Variants in LRRC4C observed in about 807,000 individuals in gnomAD.
The protein encoded by LRRC4C is leucine rich repeat containing 4C.
In LRRC4C, 5 loss-of-function variants were observed where a neutral mutation model predicts 33.6. That is an observed-to-expected ratio of 0.15 (90% confidence interval 0.08 to 0.31). The LOEUF is 0.31. LRRC4C is among the 10% of genes least tolerant of loss of function. The probability of loss-of-function intolerance (pLI) is 1.00; values close to 1 mark genes in which losing one functional copy is unlikely to be tolerated. For synonymous variants in LRRC4C, 329 were observed against 302.0 expected (o/e 1.09, Z -0.93); for missense variants, 560 against 796.7 (o/e 0.70, Z 3.58).
chr11:41,112,308 A>T (rs1941879088), intron 1 of LRRC4C, among the ~76,000 whole-genome samples: 1 of 152,036 alleles, frequency 6.6e-6, no homozygotes, highest in African/African-American at 2.4e-5. Flanking sequence ...TCTCCTGGAG[A>T]GCAGACACTT....
At chr11:40,340,329 T>A (rs975547690) in intron 3 of LRRC4C, among the ~76,000 whole-genome samples, 5 of 152,106 alleles carry the variant, frequency 3.3e-5, no homozygotes, top group Non-Finnish European at 5.9e-5. Context: ...TTAGTATTTT[T>A]TTGCCTCCCA....
chr11:41,024,964 T>C (rs1856241166), intron 1 of LRRC4C, among the ~76,000 whole-genome samples: 1 of 151,610 alleles, frequency 6.6e-6, no homozygotes, highest in African/African-American at 2.4e-5. Context: ...GGACCAATGA[T>C]CTTTGATCTT....
intron 4 of LRRC4C, among the ~76,000 whole-genome samples, chr11:40,298,598 G>A (rs972191367): frequency 3.9e-5 from 6 of 151,922 alleles, no homozygotes; most frequent in African/African-American, 1.5e-4. Context: ...TCACTTAGTT[G>A]AGCCCATTGT....
At chr11:40,675,476 C>T (rs1444879193) in intron 2 of LRRC4C, among the ~76,000 whole-genome samples, 3 of 152,138 alleles carry the variant, frequency 2.0e-5, no homozygotes, top group Admixed American at 1.3e-4. Context: ...ACTTTTCTTA[C>T]ACTTGGGCCT....
intron 1 of LRRC4C, among the ~76,000 whole-genome samples, chr11:41,039,428 T>C (rs1477343359): frequency 5.3e-5 from 8 of 152,200 alleles, no homozygotes; most frequent in African/African-American, 7.2e-5. Flanking sequence ...GAGCGAGGCC[T>C]AAGATTTTGA....
intron 1 of LRRC4C, among the ~76,000 whole-genome samples, chr11:41,182,799 T>C (rs1945509939): frequency 1.3e-5 from 2 of 151,728 alleles, no homozygotes; most frequent in Admixed American, 6.6e-5. Flanking sequence ...ATTACTATAT[T>C]AGTCTGTTTT....
At chr11:41,312,990 C>T (rs1254661161) in intron 1 of LRRC4C, among the ~76,000 whole-genome samples, 3 of 152,192 alleles carry the variant, frequency 2.0e-5, no homozygotes, top group Non-Finnish European at 2.9e-5. Context: ...TGGACTAATA[C>T]ATGGTAATAA....
At chr11:40,794,238 GC>G (rs1377267927) in intron 2 of LRRC4C, among the ~76,000 whole-genome samples, 2 of 152,010 alleles carry the variant, frequency 1.3e-5, no homozygotes, top group Admixed American at 1.3e-4. Flanking sequence ...AAAAGGACAA[GC>G]AATACATTCT....
At chr11:40,285,310 A>G (rs1943760149) in intron 4 of LRRC4C, among the ~76,000 whole-genome samples, 1 of 152,152 alleles carries the variant, frequency 6.6e-6, no homozygotes, top group Admixed American at 6.5e-5. Context: ...AGTGATATCA[A>G]TAAAGTGATC....
intron 3 of LRRC4C, among the ~76,000 whole-genome samples, chr11:40,464,310 C>T (rs771014676): frequency 6.6e-6 from 1 of 151,790 alleles, no homozygotes; most frequent in Non-Finnish European, 1.5e-5. Flanking sequence ...ATAAACTAGG[C>T]ATCAAAGGAA....
chr11:41,143,187 G>C (rs1166970814), intron 1 of LRRC4C, among the ~76,000 whole-genome samples: 2 of 150,288 alleles, frequency 1.3e-5, no homozygotes, highest in Non-Finnish European at 2.9e-5. Flanking sequence ...AGTGACTCCA[G>C]TACTGAAATT....
chr11:40,604,491 T>C (rs1218760843), intron 3 of LRRC4C, among the ~76,000 whole-genome samples: 1 of 152,126 alleles, frequency 6.6e-6, no homozygotes, highest in Non-Finnish European at 1.5e-5. Flanking sequence ...CTTCATGTCT[T>C]TACTGAGAGC....
intron 1 of LRRC4C, among the ~76,000 whole-genome samples, chr11:41,428,018 C>T (rs990565913): frequency 1.3e-5 from 2 of 152,164 alleles, no homozygotes; most frequent in African/African-American, 2.4e-5. Flanking sequence ...TATCTCCCTT[C>T]GCTGACTCTC....
intron 1 of LRRC4C, among the ~76,000 whole-genome samples, chr11:41,352,937 A>G (rs1267315374): frequency 6.6e-6 from 1 of 152,118 alleles, no homozygotes; most frequent in Non-Finnish European, 1.5e-5. Context: ...TCTCAAATTA[A>G]CAACCTAACA....
intron 4 of LRRC4C, among the ~76,000 whole-genome samples, chr11:40,269,197 G>A (rs968307882): frequency 1.3e-5 from 2 of 152,122 alleles, no homozygotes; most frequent in African/African-American, 4.8e-5. Flanking sequence ...AGAAGCAACA[G>A]CAATGGTGCC....
intron 5 of LRRC4C, among the ~76,000 whole-genome samples, chr11:40,158,909 A>C (rs1858928685): frequency 6.6e-6 from 1 of 152,144 alleles, no homozygotes; most frequent in Non-Finnish European, 1.5e-5. Flanking sequence ...AACAAAATGA[A>C]ATGAAACTTC....
At chr11:40,629,069 T>C (rs911136589) in intron 3 of LRRC4C, among the ~76,000 whole-genome samples, 1 of 152,220 alleles carries the variant, frequency 6.6e-6, no homozygotes, top group Admixed American at 6.5e-5. Flanking sequence ...TAATTCACAA[T>C]ATATTACTTA....
chr11:40,202,462 C>T (rs566645281), intron 5 of LRRC4C, among the ~76,000 whole-genome samples: 13 of 152,110 alleles, frequency 8.5e-5, no homozygotes, highest in African/African-American at 2.7e-4. Context: ...CCCTCTGTGC[C>T]CAACACATTA....
chr11:40,669,811 G>A (rs1943996692), intron 2 of LRRC4C, among the ~76,000 whole-genome samples: 1 of 152,100 alleles, frequency 6.6e-6, no homozygotes, highest in South Asian at 2.1e-4. Flanking sequence ...ACACTCTGCT[G>A]GCTAAAGCCA....
Sources: allele counts gnomAD v4.1 joint callset (sites outside exome capture counted in the v4.1 genomes callset), GRCh38; gene constraint gnomAD v4.1.1; transcripts MANE v1.5; gene names NCBI Gene and HGNC (gene_info 2026-07-23, HGNC 2026-07-21).